Variants in CTNND2 observed in about 807,000 individuals in gnomAD.
The protein encoded by CTNND2 is catenin delta 2, also known as catenin delta-2.
A neutral mutation model predicts 144.4 loss-of-function variants in CTNND2; 22 were observed. The observed-to-expected ratio is 0.15, with a 90% CI of 0.11 to 0.22. The LOEUF (loss-of-function observed/expected upper bound fraction) is 0.22. CTNND2 is among the 10% of genes least tolerant of loss of function. The probability of loss-of-function intolerance (pLI) is 1.00; values close to 1 mark genes in which losing one functional copy is unlikely to be tolerated. For synonymous variants in CTNND2, 751 were observed against 695.6 expected (o/e 1.08, Z -1.25); for missense variants, 1,353 against 1,618.8 (o/e 0.84, Z 2.82).
intron 1 of CTNND2, among the ~76,000 whole-genome samples, chr5:11,742,562 G>C (rs4702814): frequency 6.6e-6 from 1 of 151,750 alleles, no homozygotes; most frequent in East Asian, 1.9e-4. Flanking sequence ...TGGCAAAATA[G>C]AATTACTTTT....
intron 8 of CTNND2, among the ~76,000 whole-genome samples, chr5:11,357,719 G>A (rs141926208): frequency 6.6e-6 from 1 of 152,244 alleles, no homozygotes; most frequent in African/African-American, 2.4e-5. Context: ...ACAAACGCAT[G>A]TGGTGATGGA....
chr5:11,188,781 G>C (rs1735933151), intron 11 of CTNND2, among the ~76,000 whole-genome samples: 1 of 152,150 alleles, frequency 6.6e-6, no homozygotes. Flanking sequence ...GACTCTATGG[G>C]ATACAGCTGC....
chr5:11,604,919 T>G (rs1302296957), intron 2 of CTNND2, among the ~76,000 whole-genome samples: 1 of 152,200 alleles, frequency 6.6e-6, no homozygotes, highest in African/African-American at 2.4e-5. Flanking sequence ...ATCTGTGCTT[T>G]AAGAATGTTG....
chr5:11,490,374 G>A (rs950615316), intron 3 of CTNND2, among the ~76,000 whole-genome samples: 2 of 152,092 alleles, frequency 1.3e-5, no homozygotes, highest in Non-Finnish European at 2.9e-5. Flanking sequence ...AAATTAAAAT[G>A]TAGTTTCCAT....
chr5:11,421,832 G>T (rs1219014189), intron 3 of CTNND2, among the ~76,000 whole-genome samples: 1 of 152,140 alleles, frequency 6.6e-6, no homozygotes, highest in Non-Finnish European at 1.5e-5. Flanking sequence ...AGAACTGGGG[G>T]GCTGCTGCCT....
At chr5:11,250,481 C>CTG (rs1316992522) in intron 9 of CTNND2, among the ~76,000 whole-genome samples, 5 of 64,194 alleles carry the variant, frequency 7.8e-5, no homozygotes, top group Non-Finnish European at 1.1e-4. Flanking sequence ...CTCTCTCTCT[C>CTG]TCTCTCTCTC....
At chr5:11,506,203 T>C (rs1219475151) in intron 3 of CTNND2, among the ~76,000 whole-genome samples, 4 of 152,154 alleles carry the variant, frequency 2.6e-5, no homozygotes, top group Admixed American at 6.5e-5. Flanking sequence ...TCATAGGAGA[T>C]TGGCCAATAG....
chr5:11,752,386 C>A (rs1279271083), intron 1 of CTNND2, among the ~76,000 whole-genome samples: 2 of 151,726 alleles, frequency 1.3e-5, no homozygotes, highest in Non-Finnish European at 2.9e-5. Flanking sequence ...CAGTTTCAAT[C>A]TTCTGTATAT....
chr5:10,990,812 C>T (rs527569123), intron 19 of CTNND2, among the ~76,000 whole-genome samples: 70 of 152,298 alleles, frequency 4.6e-4, no homozygotes, highest in African/African-American at 1.5e-3. Context: ...CCTGAGGCAG[C>T]GCACTGTCTG....
At chr5:10,984,222 C>G (rs144011649) in intron 20 of CTNND2, among the ~76,000 whole-genome samples, 1 of 152,178 alleles carries the variant, frequency 6.6e-6, no homozygotes, top group Non-Finnish European at 1.5e-5. Flanking sequence ...TGTCCTGCTG[C>G]TACCTCCGTA....
chr5:11,320,180 G>A lies in CTNND2; in HGVS notation c.1628+26192C>T, dbSNP rs539143636. 2.0e-3 allele frequency among the ~76,000 whole-genome samples: 307 copies of A among 152,302 alleles called. 1 individual carries two copies. The highest frequency in any genetic ancestry group is 6.9e-3 in the African/African-American group (287 of 41,562). On this transcript the variant is annotated intron_variant, in intron 9 of 21. Transcript: ENST00000304623. ...GTAAATATCAAAAGGAAATTAAATC[G>A]ATGCTCAAATACAATATTTTGTGTA... is the stretch of plus-strand genomic sequence containing the variant.
At position 11,504,137 on chromosome 5, in the gene CTNND2, A is replaced by G. The variant is rs77511785; in HGVS notation, c.287+60807T>C. 9.4e-3 allele frequency among the ~76,000 whole-genome samples: 1,424 copies of G among 152,292 alleles called. 23 individuals carry two copies. Among genetic ancestry groups the G allele is most frequent in the African/African-American group, 0.031 (1,288 of 41,556 alleles). On this transcript the variant is annotated intron_variant, in intron 3 of 21. Transcript: ENST00000304623. ...TTTGGCCATTATTTGTAGCTTTTAC[A>G]TGTGAATAAGATAACCATGAAGAGT...
chr5:11,623,785 C>T (rs1304371192), intron 2 of CTNND2, among the ~76,000 whole-genome samples: 2 of 111,630 alleles, frequency 1.8e-5, no homozygotes, highest in Non-Finnish European at 1.7e-5. Flanking sequence ...ACCTAACTAT[C>T]GTAAATATAT....
intron 10 of CTNND2, among the ~76,000 whole-genome samples, chr5:11,232,078 G>A (rs1171296573): frequency 2.6e-5 from 4 of 152,248 alleles, no homozygotes; most frequent in Non-Finnish European, 5.9e-5. Flanking sequence ...ATTGAGGTTT[G>A]AGAACCTCTG....
intron 3 of CTNND2, among the ~76,000 whole-genome samples, chr5:11,498,430 T>G (rs1405839526): frequency 6.6e-6 from 1 of 152,182 alleles, no homozygotes. Flanking sequence ...TTTAATTGAA[T>G]GAAAACCAGG....
At chr5:11,319,478 A>G (rs568317700) in intron 9 of CTNND2, among the ~76,000 whole-genome samples, 1 of 152,332 alleles carries the variant, frequency 6.6e-6, no homozygotes, top group African/African-American at 2.4e-5. Flanking sequence ...GTGTGTGACA[A>G]ACCACAGAAG....
chr5:11,743,478 G>T (rs143716043), intron 1 of CTNND2, among the ~76,000 whole-genome samples: 5 of 152,268 alleles, frequency 3.3e-5, no homozygotes, highest in African/African-American at 1.2e-4. Context: ...GATCAAGTAG[G>T]CTTCCAGAAC....
At chr5:11,454,862 A>G (rs906827265) in intron 3 of CTNND2, among the ~76,000 whole-genome samples, 2 of 151,692 alleles carry the variant, frequency 1.3e-5, no homozygotes, top group South Asian at 2.1e-4. Context: ...TCAGCCTCCC[A>G]AAGTGCTAGG....
intron 1 of CTNND2, among the ~76,000 whole-genome samples, chr5:11,870,926 T>G (rs952899810): frequency 6.6e-6 from 1 of 152,176 alleles, no homozygotes; most frequent in Non-Finnish European, 1.5e-5. Flanking sequence ...GAATGAAGGT[T>G]TGTGTCCCCC....
Sources: allele counts gnomAD v4.1 joint callset (sites outside exome capture counted in the v4.1 genomes callset), GRCh38; gene constraint gnomAD v4.1.1; transcripts MANE v1.5; gene names NCBI Gene and HGNC (gene_info 2026-07-23, HGNC 2026-07-21).